The following CEACAM5 variants were observed in gnomAD, a reference collection of about 807,000 sequenced individuals.
CEACAM5 encodes the protein CEA cell adhesion molecule 5.
A neutral mutation model predicts 63.0 loss-of-function variants in CEACAM5; 52 were observed. That is an observed-to-expected ratio of 0.83 (90% confidence interval 0.66 to 1.04). The LOEUF (loss-of-function observed/expected upper bound fraction) is 1.04. CEACAM5 is among the 50% of genes least tolerant of loss of function. CEACAM5 has a pLI of 0.00. For synonymous variants in CEACAM5, 357 were observed against 351.3 expected (o/e 1.02, Z -0.18); for missense variants, 790 against 864.8 (o/e 0.91, Z 1.08).
intron 2 of CEACAM5, among the ~76,000 whole-genome samples, chr19:41,714,480 C>A (rs1474099893): frequency 6.6e-6 from 1 of 152,190 alleles, no homozygotes; most frequent in Admixed American, 6.5e-5. Flanking sequence ...GGCCAGGCTG[C>A]ACAATATGTA....
intron 2 of CEACAM5, 124 bp from the exon 3 acceptor site, chr19:41,714,847 C>T: frequency 6.5e-7 from 1 of 1,530,724 alleles, no homozygotes; most frequent in Non-Finnish European, 8.8e-7. Flanking sequence ...GACACATGCA[C>T]CCACCGTGGG....
chr19:41,712,908 G>A (rs1555814296), intron 2 of CEACAM5, among the ~76,000 whole-genome samples: 1 of 152,114 alleles, frequency 6.6e-6, no homozygotes, highest in Non-Finnish European at 1.5e-5. Context: ...ATTTTTAAGG[G>A]CAAATTATAG....
chr19:41,728,786 C>CAAAAAAAAAAAAAAAAAA (rs55647539), intron 9 of CEACAM5, among the ~76,000 whole-genome samples: 4 of 73,286 alleles, frequency 5.5e-5, no homozygotes, highest in African/African-American at 1.7e-4. Flanking sequence ...GACTCCGTCT[C>CAAAAAAAAAAAAAAAAAA]AAAAAAAAAA....
intron 8 of CEACAM5, 69 bp from the exon 9 acceptor site, chr19:41,727,165 T>C (rs2072711360): frequency 1.8e-5 from 21 of 1,162,168 alleles, no homozygotes; most frequent in Non-Finnish European, 2.5e-5. Flanking sequence ...AGCTGGAACC[T>C]GGGGCACCCC....
chr19:41,723,208 G>A lies in CEACAM5; in HGVS notation c.2026+2032G>A, dbSNP rs372129210. The stretch of plus-strand genomic sequence containing the variant: ...ATTACAGGCATGAGCCACCGTGTCC[G>A]GCCCCAAATGTTAATTATTTATTTA... On this transcript the variant is annotated intron_variant, in intron 8 of 9. Coordinates refer to ENST00000221992, the MANE Select transcript of CEACAM5 (RefSeq NM_004363.6). Among the ~76,000 whole-genome samples, 11 of 152,224 alleles carry A rather than the reference G, an allele frequency of 7.2e-5. 1 individual carries two copies. The highest frequency in any genetic ancestry group is 2.4e-4 in the African/African-American group (10 of 41,520).
At chr19:41,714,779 C>T (rs1284393954) in intron 2 of CEACAM5, among the ~76,000 whole-genome samples, 192 bp from the exon 3 acceptor site, 2 of 152,222 alleles carry the variant, frequency 1.3e-5, no homozygotes, top group Non-Finnish European at 2.9e-5. Context: ...GCTTCCCCCA[C>T]ACCGAGCAGG....
Position 41,720,001 on chromosome 19 carries a change from A to C in CEACAM5, c.1564A>C (p.Thr522Pro), listed in dbSNP as rs782778786. Residue 522 changes from threonine (T) to proline (P), a missense_variant, in exon 7 of 10, where the codon ACC becomes CCC. By Grantham distance (38) the Thr-to-Pro change is conservative. Coordinates refer to ENST00000221992, the MANE Select transcript of CEACAM5 (RefSeq NM_004363.6). The part of the protein sequence containing the change: ...PVEDKDAVAF[T>P]CEPEAQNTTY... ...GGAGGACAAGGATGCTGTGGCCTTCACCTGTGAACCTGAGGCTCAGAACAC... is the reference window on the plus strand; with the variant it reads ...GGAGGACAAGGATGCTGTGGCCTTCCCCTGTGAACCTGAGGCTCAGAACAC... 6.2e-7 allele frequency: 1 copy of C among 1,614,174 alleles called. No homozygotes were observed. Among genetic ancestry groups the C allele is most frequent in the Non-Finnish European group, 8.5e-7 (1 of 1,180,034 alleles).
chr19:41,709,705 G>T lies in CEACAM5; in HGVS notation c.90G>T (p.Pro30=). ...LTASLLTFWN[P]PTTAKLTIES... ...CCTCACTTCTAACCTTCTGGAACCC[G>T]CCCACCACTGCCAAGCTCACTATTG... Residue 30 remains proline, a synonymous_variant, in exon 2 of 10, where the codon CCG becomes CCT. Coordinates refer to ENST00000221992, the MANE Select transcript of CEACAM5 (RefSeq NM_004363.6). 1 of 1,613,828 alleles carries T rather than the reference G, an allele frequency of 6.2e-7. No individual in the cohort carries two copies. The highest frequency in any genetic ancestry group is 1.1e-5 in the South Asian group (1 of 91,054).
intron 8 of CEACAM5, among the ~76,000 whole-genome samples, chr19:41,725,003 G>T (rs942756264): frequency 4.2e-4 from 64 of 152,208 alleles, no homozygotes; most frequent in African/African-American, 1.4e-3. Context: ...GAATAGACGT[G>T]GCAAAAGCAG....
rs782292675 is a variant in CEACAM5 at position 41,715,214 on chromosome 19, C to A, written c.668C>A (p.Ala223Asp). 6 of 1,614,086 alleles carry A rather than the reference C, an allele frequency of 3.7e-6. No homozygotes were observed. The highest frequency in any genetic ancestry group is 1.3e-5 in the African/African-American group (1 of 74,922). ...YKCETQNPVS[A>D]RRSDSVILNV... ...TGTGAAACCCAGAACCCAGTGAGTG[C>A]CAGGCGCAGTGATTCAGTCATCCTG... The change falls in exon 3 of 10, where the codon GCC becomes GAC. Residue 223 changes from alanine to aspartate, a missense_variant. By Grantham distance (126) the Ala-to-Asp change is moderately radical. Transcript: ENST00000221992.
intron 6 of CEACAM5, 129 bp downstream of exon 6, chr19:41,718,511 C>G: frequency 2.2e-6 from 2 of 889,660 alleles, no homozygotes; most frequent in South Asian, 1.6e-5. Context: ...CAAATTCAAT[C>G]CTGAGCACTC....
chr19:41,715,034 T>C lies in CEACAM5; in HGVS notation c.488T>C (p.Val163Ala). 1 of 1,614,226 alleles carries C rather than the reference T, an allele frequency of 6.2e-7. No homozygotes were observed. Among genetic ancestry groups the C allele is most frequent in the Non-Finnish European group, 8.5e-7 (1 of 1,180,038 alleles). ...AAACCCGTGGAGGACAAGGATGCTG[T>C]GGCCTTCACCTGTGAACCTGAGACT... is the stretch of plus-strand genomic sequence containing the variant. Reference protein sequence around the residue: ...NSKPVEDKDAVAFTCEPETQD... With the variant: ...NSKPVEDKDAAAFTCEPETQD... The change falls in exon 3 of 10, where the codon GTG becomes GCG. Residue 163 changes from valine to alanine, a missense_variant. Physicochemically the swap from Val to Ala is moderately conservative, Grantham distance 64. Coordinates refer to ENST00000221992, the MANE Select transcript of CEACAM5 (RefSeq NM_004363.6).
At chr19:41,712,046 A>G (rs2072444001) in intron 2 of CEACAM5, among the ~76,000 whole-genome samples, 1 of 152,164 alleles carries the variant, frequency 6.6e-6, no homozygotes, top group African/African-American at 2.4e-5. Flanking sequence ...CACACGGAAC[A>G]GGCAGCAGGA....
Position 41,719,937 on chromosome 19 carries a change from G to T in CEACAM5, c.1500G>T (p.Leu500=). 6 of 1,614,184 alleles carry T rather than the reference G, an allele frequency of 3.7e-6. No homozygotes were observed. The highest frequency in any genetic ancestry group is 5.1e-6 in the Non-Finnish European group (6 of 1,180,036). The change falls in exon 7 of 10, where the codon CTG becomes CTT. Residue 500 remains leucine, a synonymous_variant. Coordinates refer to ENST00000221992, the MANE Select transcript of CEACAM5 (RefSeq NM_004363.6). ...TCTCTGTTATCTGCACAGCGGAGCT[G>T]CCCAAGCCCTCCATCTCCAGCAACA... The part of the protein sequence containing the change: ...TVKTITVSAE[L]PKPSISSNNS...
At chr19:41,714,876 G>A in intron 2 of CEACAM5, 95 bp from the exon 3 acceptor site, 4 of 1,580,722 alleles carry the variant, frequency 2.5e-6, no homozygotes, top group Non-Finnish European at 3.4e-6. Flanking sequence ...GGCTCAGGTG[G>A]GCTGAGAGGT....
intron 6 of CEACAM5, 35 bp downstream of exon 6, chr19:41,718,417 T>C: frequency 1.2e-6 from 2 of 1,604,040 alleles, no homozygotes; most frequent in Non-Finnish European, 1.7e-6. Context: ...CAATATGTTC[T>C]GGAGCGGAAT....
chr19:41,715,273 G>T (rs537615653), intron 3 of CEACAM5, 24 bp downstream of exon 3: 1 of 1,614,148 alleles, frequency 6.2e-7, no homozygotes, highest in African/African-American at 1.3e-5. Context: ...CTCCTCTCTG[G>T]CCCAGGCTGC....
rs148587179 is a variant in CEACAM5, at chr19:41,715,763, G to A, written c.817G>A (p.Val273Ile). Reference protein sequence around the residue: ...SNPPAQYSWFVNGTFQQSTQE... With the variant: ...SNPPAQYSWFINGTFQQSTQE... Reference sequence around the variant, plus strand: ...CCCACCTGCACAGTACTCTTGGTTTGTCAATGGGACTTTCCAGCAATCCAC... The same window carrying A: ...CCCACCTGCACAGTACTCTTGGTTTATCAATGGGACTTTCCAGCAATCCAC... The change falls in exon 4 of 10, where the codon GTC becomes ATC. Residue 273 changes from valine (V) to isoleucine (I), a missense_variant. Coordinates refer to ENST00000221992, the MANE Select transcript of CEACAM5 (RefSeq NM_004363.6). 8 of 1,614,034 alleles carry A rather than the reference G, an allele frequency of 5.0e-6. No homozygotes were observed. Among genetic ancestry groups the A allele is most frequent in the African/African-American group, 1.3e-5 (1 of 74,892 alleles).
intron 4 of CEACAM5, among the ~76,000 whole-genome samples, chr19:41,716,882 C>G (rs1555815113): frequency 6.6e-6 from 1 of 152,214 alleles, no homozygotes; most frequent in African/African-American, 2.4e-5. Flanking sequence ...CAAAATGAAA[C>G]TCTGTTCCCA....
Sources: gnomAD v4.1 joint callset for allele counts (sites outside exome capture counted in the v4.1 genomes callset) on GRCh38, gnomAD v4.1.1 for gene constraint, MANE v1.5 for transcripts, NCBI Gene and HGNC (gene_info 2026-07-23, HGNC 2026-07-21) for gene names.